Variants in JUP observed in about 807,000 individuals in gnomAD.
The protein encoded by JUP is junction plakoglobin.
In JUP, 28 loss-of-function variants were observed where a neutral mutation model predicts 71.1. The observed-to-expected ratio is 0.39, with a 90% CI of 0.29 to 0.54. The LOEUF (loss-of-function observed/expected upper bound fraction) is 0.54, where lower values mean the gene tolerates loss of function less well. Ranked by LOEUF, JUP falls within the 20% of genes least tolerant of loss-of-function variation. The probability of loss-of-function intolerance (pLI) is 0.62; values close to 1 mark genes in which losing one functional copy is unlikely to be tolerated. For synonymous variants in JUP, 401 were observed against 438.9 expected (o/e 0.91, Z 1.08); for missense variants, 869 against 1,030.1 (o/e 0.84, Z 2.14).
chr17:41,774,830 C>T (rs1424360964), intron 1 of JUP, among the ~76,000 whole-genome samples: 9 of 151,856 alleles, frequency 5.9e-5, no homozygotes, highest in Non-Finnish European at 1.0e-4. Flanking sequence ...GGTTCGGGTG[C>T]GGTGGCTCAC....
intron 1 of JUP, among the ~76,000 whole-genome samples, chr17:41,780,235 C>T (rs1207509122): frequency 6.6e-6 from 1 of 151,232 alleles, no homozygotes; most frequent in Non-Finnish European, 1.5e-5. Flanking sequence ...TGTCTCTACA[C>T]AAAACTTTAA....
At position 41,769,031 on chromosome 17, in the gene JUP, G is replaced by A. The variant is rs1555605184; in HGVS notation, c.645C>T (p.His215=). Residue 215 remains histidine, a synonymous_variant, in exon 4 of 14, where the codon CAC becomes CAT. Coordinates refer to ENST00000393931, the MANE Select transcript of JUP (RefSeq NM_002230.4). ...TGAAGATGGCGAGCAGCCCCTCCCG[G>A]TGGTGGGAGAGGTTGTGCAGGATGC... ...TTSILHNLSH[H]REGLLAIFKS... 1 of 1,612,332 alleles carries A rather than the reference G, an allele frequency of 6.2e-7. No homozygotes were observed. The highest frequency in any genetic ancestry group is 8.5e-7 in the Non-Finnish European group (1 of 1,179,406).
At chr17:41,772,629 G>T (rs568554641) in intron 1 of JUP, among the ~76,000 whole-genome samples, 1 of 152,274 alleles carries the variant, frequency 6.6e-6, no homozygotes, top group African/African-American at 2.4e-5. Context: ...AGAGGTGGTT[G>T]CGAGGACCTG....
Position 41,758,418 on chromosome 17 carries a change from G to A in JUP, c.1754C>T (p.Thr585Ile). ...MNRMEIFRLN[T>I]IPLFVQLLYS... The stretch of plus-strand genomic sequence containing the variant: ...ACTCACCTGCACAAACAGGGGAATG[G>A]TGTTGAGCCGGAAGATCTCCATGCG... Residue 585 changes from threonine to isoleucine, a missense_variant, in exon 10 of 14, where the codon ACC becomes ATC. Coordinates refer to ENST00000393931, the MANE Select transcript of JUP (RefSeq NM_002230.4). 6.2e-7 allele frequency: 1 copy of A among 1,613,492 alleles called. No individual in the cohort carries two copies. Among genetic ancestry groups the A allele is most frequent in the South Asian group, 1.1e-5 (1 of 91,056 alleles).
intron 8 of JUP, 127 bp from the exon 9 acceptor site, chr17:41,758,997 G>A: frequency 1.0e-6 from 1 of 957,156 alleles, no homozygotes. Flanking sequence ...AGACATACTG[G>A]AAAATATCCA....
chr17:41,756,673 C>T (rs893236211), intron 12 of JUP, among the ~76,000 whole-genome samples: 21 of 151,892 alleles, frequency 1.4e-4, no homozygotes, highest in African/African-American at 3.9e-4. Context: ...CCAAGGCGGG[C>T]GGATCACAAG....
At chr17:41,781,909 G>GATGGAAAA (rs1436089207) in intron 1 of JUP, among the ~76,000 whole-genome samples, 2 of 152,192 alleles carry the variant, frequency 1.3e-5, no homozygotes, top group African/African-American at 4.8e-5. Context: ...CCTCGGGGGA[G>GATGGAAAA]ATGGAAAAAC....
rs1555598762 is a variant in JUP, at chr17:41,757,553, G to A, written c.1925-17C>T. 5 of 1,614,208 alleles carry A rather than the reference G, an allele frequency of 3.1e-6. No individual in the cohort carries two copies. Among genetic ancestry groups the A allele is most frequent in the Non-Finnish European group, 4.2e-6 (5 of 1,180,042 alleles). On this transcript the variant is annotated splice_polypyrimidine_tract_variant and intron_variant, in intron 11 of 13. Transcript: ENST00000393931. ...CGTAGGTGGCTGAGCAGAGAGGAAA[G>A]GAAAAGCCAGGTTAAACGTCGGCCA...
chr17:41,771,108 C>T lies in JUP; in HGVS notation c.208+539G>A, dbSNP rs193016439. ...GCAGTGGCGCAATCTCAGCTCACTC[C>T]AACCTCTGCCTCCTGGGTTCAAGCA... On this transcript the variant is annotated intron_variant, in intron 2 of 13. Transcript: ENST00000393931. Among the ~76,000 whole-genome samples, 324 of 152,342 alleles carry T rather than the reference C, an allele frequency of 2.1e-3. 3 individuals are homozygous for T. Among genetic ancestry groups the T allele is most frequent in the African/African-American group, 7.3e-3 (303 of 41,584 alleles).
At position 41,767,387 on chromosome 17, in the gene JUP, C is replaced by G. The variant is rs782698869; in HGVS notation, c.901G>C (p.Glu301Gln). Reference sequence around the variant, plus strand: ...AGTTGGGGAGGGCCCACCTTGCTCTCCTGGTTGCCGTAGGCCAGGAGCTGC... The same window carrying G: ...AGTTGGGGAGGGCCCACCTTGCTCTGCTGGTTGCCGTAGGCCAGGAGCTGC... ...CLQLLAYGNQESKLIILANGG... is the reference protein window; with the variant it reads ...CLQLLAYGNQQSKLIILANGG... Residue 301 changes from glutamate (E) to glutamine (Q), a missense_variant, in exon 5 of 14, where the codon GAG becomes CAG. Transcript: ENST00000393931. 1 of 1,614,102 alleles carries G rather than the reference C, an allele frequency of 6.2e-7. No individual in the cohort carries two copies. The highest frequency in any genetic ancestry group is 8.5e-7 in the Non-Finnish European group (1 of 1,180,030).
In JUP at chr17:41,756,223, GGAGA is replaced by G. The variant is rs782088103; in HGVS notation, c.2047-13_2047-10del. The G allele has an allele frequency of 1.2e-6, 2 of 1,613,722 alleles. No homozygotes were observed. The highest frequency in any genetic ancestry group is 1.7e-6 in the Non-Finnish European group (2 of 1,179,782). On this transcript the variant is annotated splice_polypyrimidine_tract_variant and intron_variant, in intron 12 of 13. Transcript: ENST00000393931. ...GGAATCATGCTCTGGGCCTGAAAAAGGAGAGAGAAACATGGAGGGGAGGTTTGAA... is the reference window on the plus strand; with the variant it reads ...GGAATCATGCTCTGGGCCTGAAAAAGGAGAAACATGGAGGGGAGGTTTGAA...
rs78564293 is a variant in JUP, at chr17:41,779,940, G to A, written c.-9+6648C>T. 4.6e-5 allele frequency among the ~76,000 whole-genome samples: 7 copies of A among 151,738 alleles called. No homozygotes were observed. In the East Asian group the frequency reaches 5.8e-4, roughly 13 times the overall value. ...ATCCTCCTGCCTCAACCTTCAGAGC[G>A]GTTGGGATTACAGGTGTAAGCCACT... On this transcript the variant is annotated intron_variant, in intron 1 of 13. Transcript: ENST00000393931.
At chr17:41,769,307 G>GT in intron 3 of JUP, 100 bp from the exon 4 acceptor site, 1 of 1,543,242 alleles carries the variant, frequency 6.5e-7, no homozygotes, top group South Asian at 1.1e-5. Flanking sequence ...CATCACACAC[G>GT]GGAGAGTCTG....
chr17:41,772,798 C>G (rs1235425597), intron 1 of JUP: 1 of 985,294 alleles, frequency 1.0e-6, no homozygotes, highest in Non-Finnish European at 1.2e-6. Context: ...CTCTCTCTCT[C>G]TGCAAAGGTT....
intron 1 of JUP, among the ~76,000 whole-genome samples, chr17:41,782,647 G>A (rs577953149): frequency 2.0e-5 from 3 of 152,172 alleles, no homozygotes; most frequent in African/African-American, 7.2e-5. Context: ...GCTTCCACCG[G>A]AAACTAAAAA....
chr17:41,760,167 A>G (rs910626409), intron 8 of JUP, among the ~76,000 whole-genome samples: 6 of 151,850 alleles, frequency 4.0e-5, no homozygotes, highest in African/African-American at 1.4e-4. Flanking sequence ...TGTCTCAAAA[A>G]TAATAATAAT....
At position 41,769,219 on chromosome 17, in the gene JUP, A is replaced by C; in HGVS notation, c.469-12T>G. On this transcript the variant is annotated splice_polypyrimidine_tract_variant and intron_variant, in intron 3 of 13. Transcript: ENST00000393931. Reference sequence around the variant, plus strand: ...TTGGTCACCACCACCTGGAGGGCAAAGGCAGGGGCGGGGACGTGAGCACTA... The same window carrying C: ...TTGGTCACCACCACCTGGAGGGCAACGGCAGGGGCGGGGACGTGAGCACTA... 1 of 1,598,812 alleles carries C rather than the reference A, an allele frequency of 6.3e-7. No homozygotes were observed. The highest frequency in any genetic ancestry group is 8.5e-7 in the Non-Finnish European group (1 of 1,179,038).
chr17:41,766,563 A>G (rs529701610), intron 5 of JUP, among the ~76,000 whole-genome samples: 1 of 152,162 alleles, frequency 6.6e-6, no homozygotes, highest in South Asian at 2.1e-4. Context: ...TCTATAAAAA[A>G]TTAGTTGGGG....
intron 1 of JUP, among the ~76,000 whole-genome samples, chr17:41,778,105 G>GC (rs1436029790): frequency 8.5e-5 from 13 of 152,182 alleles, no homozygotes; most frequent in African/African-American, 3.1e-4. Context: ...TCCAGGGGCG[G>GC]CCCACTTCTC....
Sources: gnomAD v4.1 joint callset for allele counts (sites outside exome capture counted in the v4.1 genomes callset) on GRCh38, gnomAD v4.1.1 for gene constraint, MANE v1.5 for transcripts, NCBI Gene and HGNC (gene_info 2026-07-23, HGNC 2026-07-21) for gene names.